Variants in INIP observed in about 807,000 individuals in gnomAD.
INIP encodes SOSS complex subunit C.
A neutral mutation model predicts 14.0 loss-of-function variants in INIP; 9 were observed. That is an observed-to-expected ratio of 0.64 (90% CI 0.39 to 1.12). The LOEUF is 1.12. INIP is among the 50% of genes most tolerant of loss of function. The pLI is 0.01. For missense variants in INIP, 78 were observed against 122.7 expected, an observed-to-expected ratio of 0.64 and a Z score of 1.72; for synonymous variants, 37 against 41.5, an observed-to-expected ratio of 0.89 and a Z score of 0.41.
At chr9:112,705,939 C>T (rs1388425293) in intron 2 of INIP, among the ~76,000 whole-genome samples, 2 of 152,030 alleles carry the variant, frequency 1.3e-5, no homozygotes, top group Admixed American at 1.3e-4. Flanking sequence ...TAGAAAAGGA[C>T]GAGGCAGAGA....
intron 2 of INIP, among the ~76,000 whole-genome samples, chr9:112,710,344 A>G (rs568049630): frequency 6.6e-5 from 10 of 152,336 alleles, no homozygotes; most frequent in African/African-American, 2.2e-4. Flanking sequence ...TGAAAAAAAT[A>G]AAAGAATTCA....
intron 2 of INIP, among the ~76,000 whole-genome samples, chr9:112,705,702 A>G (rs911895920): frequency 6.6e-6 from 1 of 152,216 alleles, no homozygotes; most frequent in Non-Finnish European, 1.5e-5. Flanking sequence ...AGTGATGAGT[A>G]TTTTTCTCCA....
chr9:112,693,431 A>T (rs761832326), intron 3 of INIP, among the ~76,000 whole-genome samples: 4 of 152,094 alleles, frequency 2.6e-5, no homozygotes, highest in Non-Finnish European at 5.9e-5. Flanking sequence ...CCATATATTT[A>T]CCTTCTCAGT....
At chr9:112,694,377 T>C in intron 2 of INIP, 144 bp from the exon 3 acceptor site, 2 of 591,276 alleles carry the variant, frequency 3.4e-6, no homozygotes, top group East Asian at 6.1e-5. Flanking sequence ...CACCAGTAAG[T>C]ACTTTCCCTA....
chr9:112,691,817 C>T (rs1837894941), intron 3 of INIP, among the ~76,000 whole-genome samples: 3 of 152,148 alleles, frequency 2.0e-5, no homozygotes, highest in Admixed American at 1.3e-4. Context: ...TGAGACCAGC[C>T]TGGCCAACAT....
intron 4 of INIP, 143 bp downstream of exon 4, chr9:112,689,384 T>A: frequency 1.5e-6 from 1 of 668,678 alleles, no homozygotes; most frequent in Non-Finnish European, 2.6e-6. Context: ...CCTCTGGGCT[T>A]GACTGAACAT....
chr9:112,710,477 C>T (rs1838614565), intron 2 of INIP, among the ~76,000 whole-genome samples: 1 of 152,176 alleles, frequency 6.6e-6, no homozygotes, highest in Non-Finnish European at 1.5e-5. Flanking sequence ...GCTTTTGGTA[C>T]CTTGTCCAAA....
At chr9:112,710,131 A>T (rs1838600753) in intron 2 of INIP, among the ~76,000 whole-genome samples, 1 of 152,166 alleles carries the variant, frequency 6.6e-6, no homozygotes, top group South Asian at 2.1e-4. Flanking sequence ...TTCCTTCTGG[A>T]CCATATATGG....
At chr9:112,716,649 C>A in intron 1 of INIP, 108 bp from the exon 2 acceptor site, 1 of 570,066 alleles carries the variant, frequency 1.8e-6, no homozygotes, top group South Asian at 2.0e-5. Flanking sequence ...TTAATCTCTT[C>A]AGAAAGATAC....
intron 2 of INIP, among the ~76,000 whole-genome samples, chr9:112,709,788 T>C (rs747519753): frequency 6.6e-6 from 1 of 152,220 alleles, no homozygotes; most frequent in Non-Finnish European, 1.5e-5. Context: ...TCTGAGTGCA[T>C]GTGTGGATCC....
intron 2 of INIP, among the ~76,000 whole-genome samples, chr9:112,707,240 CTTT>C (rs745697280): frequency 6.6e-4 from 82 of 124,260 alleles, no homozygotes; most frequent in Middle Eastern, 4.7e-3. Flanking sequence ...TGCCCGGCCT[CTTT>C]TTTTTTTTTT....
At position 112,687,421 on chromosome 9, in the gene INIP, A is replaced by G; in HGVS notation, c.*117T>C. 1 of 638,024 alleles carries G rather than the reference A, an allele frequency of 1.6e-6. No individual in the cohort carries two copies. The allele number at this position is 638,024 out of a possible 1,614,324, so 39.5% of individuals were successfully genotyped here. On this transcript the variant is annotated 3_prime_UTR_variant, in exon 5 of 5. Transcript: ENST00000374242. ...ACTTACACATTCCTTTCTTTCAGACAAACAAAAAATATCAAAGTTCACCAA... is the reference window on the plus strand; with the variant it reads ...ACTTACACATTCCTTTCTTTCAGACGAACAAAAAATATCAAAGTTCACCAA...
chr9:112,692,730 A>T (rs1345801770), intron 3 of INIP, among the ~76,000 whole-genome samples: 4 of 151,406 alleles, frequency 2.6e-5, no homozygotes, highest in African/African-American at 9.7e-5. Flanking sequence ...AACCATACAA[A>T]ACTCAAAAAA....
chr9:112,713,983 TCA>T (rs1838727546), intron 2 of INIP, among the ~76,000 whole-genome samples: 1 of 130,608 alleles, frequency 7.7e-6, no homozygotes, highest in Non-Finnish European at 1.6e-5. Flanking sequence ...AAACTCCATC[TCA>T]AAAAAAAAAA....
intron 2 of INIP, among the ~76,000 whole-genome samples, chr9:112,708,606 T>G (rs374373851): frequency 6.6e-6 from 1 of 152,194 alleles, no homozygotes; most frequent in Non-Finnish European, 1.5e-5. Flanking sequence ...CCAAAATTCG[T>G]GGCTTAAAAC....
intron 2 of INIP, among the ~76,000 whole-genome samples, chr9:112,713,470 A>C (rs1182313184): frequency 1.3e-5 from 2 of 152,046 alleles, no homozygotes; most frequent in African/African-American, 4.8e-5. Context: ...AGGTGGGAGG[A>C]TTTCTTGAGG....
intron 2 of INIP, among the ~76,000 whole-genome samples, chr9:112,714,588 C>T (rs2131318745): frequency 6.6e-6 from 1 of 152,144 alleles, no homozygotes; most frequent in Admixed American, 6.5e-5. Flanking sequence ...TGTGTGATGA[C>T]AATAAAACTT....
intron 2 of INIP, among the ~76,000 whole-genome samples, chr9:112,704,014 G>A (rs991830119): frequency 1.3e-5 from 2 of 152,130 alleles, no homozygotes; most frequent in Non-Finnish European, 2.9e-5. Flanking sequence ...TAATACTTAG[G>A]TGTTTTGTTT....
chr9:112,693,020 C>A (rs1396918581), intron 3 of INIP, among the ~76,000 whole-genome samples: 7 of 139,010 alleles, frequency 5.0e-5, no homozygotes, highest in Admixed American at 7.1e-5. Context: ...CAGAGTTAGA[C>A]CCTGTCTCAA....
Sources: allele counts gnomAD v4.1 joint callset (sites outside exome capture counted in the v4.1 genomes callset), GRCh38; gene constraint gnomAD v4.1.1; transcripts MANE v1.5; gene names NCBI Gene and HGNC (gene_info 2026-07-23, HGNC 2026-07-21).